The following SRRM4 variants were observed in gnomAD, a reference collection of about 807,000 sequenced individuals.
SRRM4 encodes serine/arginine repetitive matrix 4.
SRRM4 carries 33 observed loss-of-function variants against 68.9 expected under a neutral mutation model. That is an observed-to-expected ratio of 0.48 (90% CI 0.36 to 0.64). SRRM4 has a LOEUF of 0.64. Among genes scored for constraint, SRRM4 ranks in the 30% least tolerant of loss-of-function variants. The pLI is 0.00. For synonymous variants in SRRM4, 318 were observed against 318.8 expected (o/e 1.00, Z 0.03); for missense variants, 817 against 827.1 (o/e 0.99, Z 0.15).
intron 10 of SRRM4, among the ~76,000 whole-genome samples, chr12:119,153,317 T>C (rs1954450324): frequency 6.6e-6 from 1 of 152,198 alleles, no homozygotes; most frequent in Non-Finnish European, 1.5e-5. Context: ...ACACAGCTAG[T>C]AAGTGGCCAG....
chr12:119,009,773 G>T (rs1953437328), intron 1 of SRRM4, among the ~76,000 whole-genome samples: 1 of 152,310 alleles, frequency 6.6e-6, no homozygotes, highest in Admixed American at 6.5e-5. Context: ...ACAAGAGAAT[G>T]CATGATGTGG....
At chr12:118,983,933 G>C (rs974904085) in intron 1 of SRRM4, among the ~76,000 whole-genome samples, 1 of 152,070 alleles carries the variant, frequency 6.6e-6, no homozygotes, top group Non-Finnish European at 1.5e-5. Flanking sequence ...TTCACTCTTG[G>C]TGCCTTTTAA....
intron 1 of SRRM4, among the ~76,000 whole-genome samples, chr12:119,066,108 C>T (rs1422743930): frequency 6.6e-6 from 1 of 152,122 alleles, no homozygotes; most frequent in Non-Finnish European, 1.5e-5. Context: ...TGGTTTCAGG[C>T]TTTGTGTGCT....
rs114879143 is a variant in SRRM4 at position 119,038,974 on chromosome 12, G to T, written c.131+56961G>T. Among the ~76,000 whole-genome samples, 514 of 152,352 alleles carry T rather than the reference G, an allele frequency of 3.4e-3. 5 individuals are homozygous for T. The highest frequency in any genetic ancestry group is 0.011 in the African/African-American group (463 of 41,578). Reference sequence around the variant, plus strand: ...GGTGGAACACCACCTACTAAGAGCAGATCTTGTCTACTTCAGCTCCACATT... The same window carrying T: ...GGTGGAACACCACCTACTAAGAGCATATCTTGTCTACTTCAGCTCCACATT... On this transcript the variant is annotated intron_variant, in intron 1 of 12. Coordinates refer to ENST00000267260, the MANE Select transcript of SRRM4 (RefSeq NM_194286.4).
chr12:119,109,946 T>A (rs1165984955), intron 2 of SRRM4, among the ~76,000 whole-genome samples: 1 of 150,796 alleles, frequency 6.6e-6, no homozygotes, highest in African/African-American at 2.4e-5. Context: ...TTTCTCCCCA[T>A]CTTTGTGGTT....
At chr12:118,985,419 T>C (rs1361979082) in intron 1 of SRRM4, among the ~76,000 whole-genome samples, 2 of 152,216 alleles carry the variant, frequency 1.3e-5, no homozygotes, top group African/African-American at 4.8e-5. Flanking sequence ...AAAATCACAA[T>C]TTTAATCCCA....
At chr12:119,032,287 A>G (rs770914479) in intron 1 of SRRM4, among the ~76,000 whole-genome samples, 6 of 152,198 alleles carry the variant, frequency 3.9e-5, no homozygotes, top group Non-Finnish European at 7.4e-5. Flanking sequence ...TGCATTAATT[A>G]GAAATTCCGA....
intron 1 of SRRM4, among the ~76,000 whole-genome samples, chr12:119,046,026 G>A (rs1180601490): frequency 6.6e-6 from 1 of 151,740 alleles, no homozygotes; most frequent in Non-Finnish European, 1.5e-5. Flanking sequence ...GACAGAGCGA[G>A]ATTCCATCTC....
chr12:119,009,181 G>A (rs1392686758), intron 1 of SRRM4, among the ~76,000 whole-genome samples: 1 of 152,170 alleles, frequency 6.6e-6, no homozygotes, highest in Non-Finnish European at 1.5e-5. Context: ...GGAGGGCTCC[G>A]GAGCGAGATG....
At chr12:119,127,179 T>A (rs1954266794) in intron 7 of SRRM4, among the ~76,000 whole-genome samples, 1 of 151,802 alleles carries the variant, frequency 6.6e-6, no homozygotes, top group Admixed American at 6.6e-5. Flanking sequence ...CTGCACATTG[T>A]ATACATGTAC....
intron 1 of SRRM4, among the ~76,000 whole-genome samples, chr12:119,054,089 G>A (rs1186153678): frequency 6.6e-6 from 1 of 152,068 alleles, no homozygotes; most frequent in Admixed American, 6.5e-5. Context: ...ATGTCCATGA[G>A]TTCAATTGTG....
At chr12:119,042,346 CAT>C (rs1953675265) in intron 1 of SRRM4, among the ~76,000 whole-genome samples, 1 of 151,882 alleles carries the variant, frequency 6.6e-6, no homozygotes, top group South Asian at 2.1e-4. Context: ...AAAGAAGAGA[CAT>C]GTGGAAGGAA....
At chr12:119,029,100 A>G (rs931009754) in intron 1 of SRRM4, among the ~76,000 whole-genome samples, 1 of 152,206 alleles carries the variant, frequency 6.6e-6, no homozygotes, top group African/African-American at 2.4e-5. Flanking sequence ...ATAACTCACA[A>G]TATCTTTTTT....
intron 1 of SRRM4, among the ~76,000 whole-genome samples, chr12:119,033,155 TA>T (rs1338131300): frequency 2.0e-5 from 3 of 152,218 alleles, no homozygotes; most frequent in African/African-American, 7.2e-5. Flanking sequence ...TCCTTTGTTT[TA>T]ATTTTTTATG....
chr12:119,151,531 C>T (rs1479878920), intron 10 of SRRM4, among the ~76,000 whole-genome samples: 1 of 152,172 alleles, frequency 6.6e-6, no homozygotes, highest in Non-Finnish European at 1.5e-5. Context: ...TGAGAATGAG[C>T]TAATGTGTAT....
At chr12:119,107,395 T>C (rs964054025) in intron 2 of SRRM4, among the ~76,000 whole-genome samples, 3 of 152,168 alleles carry the variant, frequency 2.0e-5, no homozygotes, top group Non-Finnish European at 2.9e-5. Flanking sequence ...GAAGAAGTGG[T>C]ACCAACTCCT....
intron 1 of SRRM4, among the ~76,000 whole-genome samples, chr12:119,026,611 C>T (rs368025551): frequency 2.7e-5 from 4 of 150,412 alleles, no homozygotes; most frequent in Admixed American, 6.6e-5. Context: ...TGCAATGGCG[C>T]GACGTTGGCT....
At chr12:119,110,631 T>C (rs907857586) in intron 2 of SRRM4, among the ~76,000 whole-genome samples, 7 of 152,226 alleles carry the variant, frequency 4.6e-5, no homozygotes, top group Admixed American at 1.3e-4. Context: ...AAGCCACATG[T>C]GGGATATAAT....
At chr12:119,014,924 T>C (rs984614495) in intron 1 of SRRM4, among the ~76,000 whole-genome samples, 3 of 152,152 alleles carry the variant, frequency 2.0e-5, no homozygotes, top group Non-Finnish European at 1.5e-5. Context: ...AAGAAATTTG[T>C]GGAAGAATTG....
Sources: allele counts gnomAD v4.1 joint callset (sites outside exome capture counted in the v4.1 genomes callset), GRCh38; gene constraint gnomAD v4.1.1; transcripts MANE v1.5; gene names NCBI Gene and HGNC (gene_info 2026-07-23, HGNC 2026-07-21).